EXD3: variants seen among roughly 807,000 people sequenced by gnomAD.
EXD3 encodes the protein exonuclease mut-7 homolog.
A neutral mutation model predicts 98.0 loss-of-function variants in EXD3; 92 were observed. That is an observed-to-expected ratio of 0.94 (90% CI 0.79 to 1.12). The LOEUF is 1.12. Among genes scored for constraint, EXD3 ranks in the 50% most tolerant of loss-of-function variants. The pLI is 0.00. For synonymous variants in EXD3, 569 were observed against 526.0 expected (o/e 1.08, Z -1.12); for missense variants, 1,222 against 1,191.6 (o/e 1.03, Z -0.38).
intron 1 of EXD3, among the ~76,000 whole-genome samples, chr9:137,420,805 T>C (rs1336738018): frequency 6.9e-6 from 1 of 145,714 alleles, no homozygotes; most frequent in Non-Finnish European, 1.5e-5. Flanking sequence ...CTTGGCTTCC[T>C]AGACATGGGA....
chr9:137,323,945 G>A (rs1387877715), intron 18 of EXD3, 89 bp from the exon 19 acceptor site: 1 of 1,531,048 alleles, frequency 6.5e-7, no homozygotes, highest in Non-Finnish European at 8.8e-7. Context: ...TGGGGCAGGA[G>A]CCTTCTCTCG....
Position 137,410,858 on chromosome 9 carries a change from T to G in EXD3, c.-48+12256A>C, listed in dbSNP as rs138450527. On this transcript the variant is annotated intron_variant, in intron 1 of 21. Coordinates refer to ENST00000340951, the MANE Select transcript of EXD3 (RefSeq NM_017820.5). The stretch of plus-strand genomic sequence containing the variant: ...GCAGACCCCCAGGGCCTGAGTGAGG[T>G]CCAAGGCTCTGCAGGTGACTGTGCC... Among the ~76,000 whole-genome samples the G allele has an allele frequency of 6.1e-3, 932 of 152,018 alleles. 6 individuals carry two copies. The highest frequency in any genetic ancestry group is 0.022 in the African/African-American group (895 of 41,474).
chr9:137,375,980 G>A (rs1835878404), intron 3 of EXD3, among the ~76,000 whole-genome samples: 2 of 152,068 alleles, frequency 1.3e-5, no homozygotes, highest in Non-Finnish European at 2.9e-5. Flanking sequence ...TTTACTAAAC[G>A]ATTGTTCACT....
intron 4 of EXD3, 41 bp downstream of exon 4, chr9:137,373,385 G>C: frequency 6.3e-7 from 1 of 1,592,264 alleles, no homozygotes; most frequent in Non-Finnish European, 8.5e-7. Flanking sequence ...GAGGGGCAGG[G>C]GCAGGAAGGG....
At chr9:137,416,436 G>A (rs760828237) in intron 1 of EXD3, among the ~76,000 whole-genome samples, 14 of 152,212 alleles carry the variant, frequency 9.2e-5, no homozygotes, top group Non-Finnish European at 1.5e-4. Flanking sequence ...CACAGCCAGG[G>A]AGGGACCGCC....
intron 19 of EXD3, among the ~76,000 whole-genome samples, chr9:137,319,043 G>A (rs1420090026): frequency 6.6e-6 from 1 of 152,244 alleles, no homozygotes; most frequent in African/African-American, 2.4e-5. Flanking sequence ...TCAGCCCGGC[G>A]GCAGGCGCTC....
At chr9:137,313,342 C>G (rs556217544) in intron 19 of EXD3, among the ~76,000 whole-genome samples, 1 of 152,272 alleles carries the variant, frequency 6.6e-6, no homozygotes, top group South Asian at 2.1e-4. Flanking sequence ...ATCCCTCCTG[C>G]CTGCCGGCCA....
In EXD3 at chr9:137,324,093, G is replaced by A; in HGVS notation, c.2049C>T (p.His683=). 1.9e-6 allele frequency: 3 copies of A among 1,587,582 alleles called. No homozygotes were observed. Among genetic ancestry groups the A allele is most frequent in the South Asian group, 1.1e-5 (1 of 86,966 alleles). Residue 683 remains histidine (H), a synonymous_variant, in exon 18 of 22, where the codon CAC becomes CAT. Transcript: ENST00000340951. The surrounding 1 kb of genome is among the most constrained non-coding windows in gnomAD (Gnocchi z 4.1). ...RIILTSGQPF[H]KLRAQVGAGR... ...AGCTTATCTTTGGGACACTCACCTT[G>A]TGGAATGGCTGCCCCGACGTCAGAA...
chr9:137,381,121 C>G (rs1836239980), intron 3 of EXD3: 1 of 144,930 alleles, frequency 6.9e-6, no homozygotes, highest in Non-Finnish European at 1.5e-5. Context: ...CACACACACA[C>G]ACGAAAAGCC....
intron 11 of EXD3, 81 bp from the exon 12 acceptor site, chr9:137,352,282 A>C (rs1588325139): frequency 1.3e-6 from 2 of 1,576,906 alleles, no homozygotes; most frequent in African/African-American, 2.7e-5. Flanking sequence ...GGGAGCATTC[A>C]GGGCCTGTTT....
chr9:137,405,174 C>T lies in EXD3; in HGVS notation c.-47-9770G>A, dbSNP rs952294245. Among the ~76,000 whole-genome samples, 9 of 152,230 alleles carry T rather than the reference C, an allele frequency of 5.9e-5. No individual in the cohort carries two copies. Among genetic ancestry groups the T allele is most frequent in the Admixed American group, 3.3e-4 (5 of 15,286 alleles). ...GTCCAAAGACCCTACTTGGGAGCCC[C>T]GCACATCCGCACATCCCACCCTTGG... On this transcript the variant is annotated intron_variant, in intron 1 of 21. Transcript: ENST00000340951. The surrounding 1 kb of genome is among the most constrained non-coding windows in gnomAD (Gnocchi z 4.1).
At chr9:137,340,067 A>G (rs1833565078) in intron 17 of EXD3, among the ~76,000 whole-genome samples, 1 of 152,258 alleles carries the variant, frequency 6.6e-6, no homozygotes, top group Admixed American at 6.5e-5. Context: ...GAGCAACCAC[A>G]GTCCATGTAT....
chr9:137,316,012 TC>T (rs1421741090), intron 19 of EXD3, among the ~76,000 whole-genome samples: 1 of 136,116 alleles, frequency 7.3e-6, no homozygotes, highest in African/African-American at 2.8e-5. Context: ...CCAAGGGAAG[TC>T]CCCCTTCTCC....
intron 17 of EXD3, among the ~76,000 whole-genome samples, chr9:137,342,654 A>G (rs1187641708): frequency 4.6e-5 from 7 of 152,256 alleles, no homozygotes; most frequent in African/African-American, 1.7e-4. Flanking sequence ...GGAACCGCAA[A>G]CCACCTTCGT....
intron 19 of EXD3, among the ~76,000 whole-genome samples, chr9:137,318,132 T>C (rs544631631): frequency 1.3e-5 from 2 of 152,258 alleles, no homozygotes; most frequent in South Asian, 4.1e-4. Context: ...CTGAAGCCCC[T>C]GTCCACGGCA....
chr9:137,341,539 C>T (rs948221490), intron 17 of EXD3, among the ~76,000 whole-genome samples: 21 of 142,778 alleles, frequency 1.5e-4, no homozygotes, highest in East Asian at 6.3e-4. Flanking sequence ...TCAGAGGAAA[C>T]GGGGCTCAGG....
Position 137,385,301 on chromosome 9 carries a change from C to T in EXD3, c.56-1924G>A, listed in dbSNP as rs1477521365. The stretch of plus-strand genomic sequence containing the variant: ...CGGAGCAAGTGCATCAGCCCCGGGA[C>T]GATGCCCAGGTGGGGAGGACGTACC... On this transcript the variant is annotated intron_variant, in intron 2 of 21. Transcript: ENST00000340951. This position sits in a 1 kb window ranked among gnomAD's most constrained non-coding sequence, Gnocchi z 4.4. 6.6e-6 allele frequency among the ~76,000 whole-genome samples: 1 copy of T among 152,008 alleles called. No homozygotes were observed. Among genetic ancestry groups the T allele is most frequent in the Non-Finnish European group, 1.5e-5 (1 of 68,006 alleles).
At chr9:137,317,655 G>A (rs921654299) in intron 19 of EXD3, among the ~76,000 whole-genome samples, 1 of 152,088 alleles carries the variant, frequency 6.6e-6, no homozygotes, top group Admixed American at 6.5e-5. Flanking sequence ...TGGAGAGGTG[G>A]TGTGGGTGGC....
intron 17 of EXD3, among the ~76,000 whole-genome samples, chr9:137,332,475 T>C (rs999620167): frequency 1.3e-5 from 2 of 151,308 alleles, no homozygotes; most frequent in Non-Finnish European, 2.9e-5. Flanking sequence ...TAGTCCCAGC[T>C]ACTTGGGAGG....
Sources: gnomAD v4.1 joint callset for allele counts (sites outside exome capture counted in the v4.1 genomes callset) on GRCh38, gnomAD v4.1.1 for gene constraint, Gnocchi (gnomAD v3.1) non-coding constraint, MANE v1.5 for transcripts, NCBI Gene and HGNC (gene_info 2026-07-23, HGNC 2026-07-21) for gene names.